REV1: variants seen among roughly 807,000 people sequenced by gnomAD.
The protein encoded by REV1 is translesion synthesis protein REV1.
A neutral mutation model predicts 137.4 loss-of-function variants in REV1; 42 were observed. The ratio of observed to expected loss-of-function variants is 0.31; its 90% confidence interval spans 0.24 to 0.40. The LOEUF (loss-of-function observed/expected upper bound fraction) is 0.40, where lower values mean the gene tolerates loss of function less well. Among genes scored for constraint, REV1 ranks in the 10% least tolerant of loss-of-function variants. The probability of loss-of-function intolerance (pLI) is 1.00; values close to 1 mark genes in which losing one functional copy is unlikely to be tolerated. For synonymous variants in REV1, 524 were observed against 519.2 expected, an observed-to-expected ratio of 1.01 and a Z score of -0.12; for missense variants, 1,282 against 1,490.1, an observed-to-expected ratio of 0.86 and a Z score of 2.30.
intron 10 of REV1, among the ~76,000 whole-genome samples, chr2:99,423,600 C>T (rs1211130156): frequency 6.6e-6 from 1 of 152,130 alleles, no homozygotes. Flanking sequence ...TTTTTAAATA[C>T]ATCTACAATT....
At chr2:99,447,716 G>GTTTTT (rs200602854) in intron 4 of REV1, among the ~76,000 whole-genome samples, 1 of 145,470 alleles carries the variant, frequency 6.9e-6, no homozygotes, top group Non-Finnish European at 1.5e-5. Context: ...ACTGCATAAA[G>GTTTTT]TTTTTTTTTT....
At chr2:99,478,377 A>G (rs1282402090) in intron 1 of REV1, among the ~76,000 whole-genome samples, 1 of 152,234 alleles carries the variant, frequency 6.6e-6, no homozygotes, top group Non-Finnish European at 1.5e-5. Flanking sequence ...TTTATTAAGC[A>G]TCTCCACTAG....
chr2:99,418,147 A>G (rs1465008289), intron 12 of REV1, among the ~76,000 whole-genome samples: 1 of 151,684 alleles, frequency 6.6e-6, no homozygotes, highest in African/African-American at 2.4e-5. Context: ...ATGCCACTAA[A>G]TCTACTTTTA....
chr2:99,447,321 C>T (rs991253278), intron 4 of REV1, among the ~76,000 whole-genome samples: 21 of 151,948 alleles, frequency 1.4e-4, no homozygotes, highest in African/African-American at 2.4e-4. Flanking sequence ...TACAGGCGCG[C>T]GCCACCACGC....
At chr2:99,447,141 T>A (rs867392395) in intron 4 of REV1, among the ~76,000 whole-genome samples, 2 of 151,932 alleles carry the variant, frequency 1.3e-5, no homozygotes, top group South Asian at 2.1e-4. Flanking sequence ...ATCCTTAATA[T>A]GTAAAATGTT....
intron 9 of REV1, 101 bp from the exon 10 acceptor site, chr2:99,424,381 T>C: frequency 8.0e-7 from 1 of 1,247,532 alleles, no homozygotes; most frequent in Non-Finnish European, 1.1e-6. Context: ...AATTTATAAT[T>C]TCCACTTAAC....
At chr2:99,434,530 T>G in intron 7 of REV1, 82 bp from the exon 8 acceptor site, 3 of 758,680 alleles carry the variant, frequency 4.0e-6, no homozygotes, top group Non-Finnish European at 6.2e-6. Flanking sequence ...CAAAGGATTT[T>G]AAAAACATGC....
intron 6 of REV1, 67 bp downstream of exon 6, chr2:99,438,534 A>T: frequency 1.7e-6 from 2 of 1,199,490 alleles, no homozygotes; most frequent in Non-Finnish European, 2.4e-6. Context: ...AAATACCAAT[A>T]ATAGCATAAG....
At chr2:99,426,347 CA>C (rs201251300) in intron 9 of REV1, among the ~76,000 whole-genome samples, 3,870 of 110,006 alleles carry the variant, frequency 0.035, 53 homozygotes, top group African/African-American at 0.058. Flanking sequence ...AATTCTATCT[CA>C]AAAAAAAAAA....
At position 99,421,562 on chromosome 2, in the gene REV1, A is replaced by G; in HGVS notation, c.1768T>C (p.Phe590Leu). The G allele has an allele frequency of 6.2e-7, 1 of 1,614,116 alleles. No individual in the cohort carries two copies. Among genetic ancestry groups the G allele is most frequent in the Non-Finnish European group, 8.5e-7 (1 of 1,179,994 alleles). Residue 590 changes from phenylalanine (F) to leucine (L), a missense_variant, in exon 11 of 23, where the codon TTT becomes CTT. By Grantham distance (22) the Phe-to-Leu change is conservative. Transcript: ENST00000258428. ...ATTTCCATACGAACAGCATTTGCAA[A>G]TTCATCAGGAGTAAGTTTGGTCTCT... is the stretch of plus-strand genomic sequence containing the variant. ...LAETKLTPDE[F>L]ANAVRMEIKD...
chr2:99,459,322 G>C (rs1285256803), intron 3 of REV1, among the ~76,000 whole-genome samples: 1 of 152,104 alleles, frequency 6.6e-6, no homozygotes, highest in Non-Finnish European at 1.5e-5. Context: ...TTACCATTTG[G>C]GGAAACTGGG....
chr2:99,470,850 G>A (rs555934453), intron 1 of REV1, among the ~76,000 whole-genome samples: 3 of 152,300 alleles, frequency 2.0e-5, no homozygotes, highest in African/African-American at 4.8e-5. Flanking sequence ...AACTGCTGGC[G>A]AGTGTACCCT....
At chr2:99,486,386 G>A (rs562984963) in intron 1 of REV1, among the ~76,000 whole-genome samples, 3 of 152,134 alleles carry the variant, frequency 2.0e-5, no homozygotes, top group East Asian at 1.9e-4. Context: ...AAAATTAGCC[G>A]GGCGTGGTGG....
At chr2:99,477,101 A>G (rs2104181812) in intron 1 of REV1, among the ~76,000 whole-genome samples, 1 of 152,318 alleles carries the variant, frequency 6.6e-6, no homozygotes, top group South Asian at 2.1e-4. Flanking sequence ...CACGATGGCA[A>G]AACGGCACTG....
intron 20 of REV1, 40 bp downstream of exon 20, chr2:99,402,849 G>A (rs372314961): frequency 6.7e-5 from 108 of 1,612,056 alleles, no homozygotes; most frequent in Non-Finnish European, 8.9e-5. Flanking sequence ...CATTATCCAG[G>A]TATATTAAGA....
chr2:99,447,863 G>C (rs575007115), intron 4 of REV1, among the ~76,000 whole-genome samples: 14 of 152,224 alleles, frequency 9.2e-5, no homozygotes, highest in African/African-American at 3.4e-4. Flanking sequence ...CGGGATTACA[G>C]GCACAAGCCA....
intron 19 of REV1, 139 bp downstream of exon 19, chr2:99,403,556 A>G (rs1278509389): frequency 9.7e-7 from 1 of 1,026,938 alleles, no homozygotes; most frequent in East Asian, 2.4e-5. Flanking sequence ...CATACTGTAT[A>G]CTTCAGATAT....
chr2:99,419,158 G>A (rs1407638409), intron 11 of REV1, among the ~76,000 whole-genome samples: 1 of 150,714 alleles, frequency 6.6e-6, no homozygotes, highest in Admixed American at 6.6e-5. Flanking sequence ...TAACGCAAGT[G>A]CCACTTCAGC....
intron 3 of REV1, among the ~76,000 whole-genome samples, chr2:99,459,323 G>A (rs773794208): frequency 1.3e-5 from 2 of 152,098 alleles, no homozygotes; most frequent in Non-Finnish European, 2.9e-5. Context: ...TACCATTTGG[G>A]GAAACTGGGT....
Sources: allele counts gnomAD v4.1 joint callset (sites outside exome capture counted in the v4.1 genomes callset), GRCh38; gene constraint gnomAD v4.1.1; transcripts MANE v1.5; gene names NCBI Gene and HGNC (gene_info 2026-07-23, HGNC 2026-07-21).